PIK3R5: variants seen among roughly 807,000 people sequenced by gnomAD.
PIK3R5 encodes phosphoinositide-3-kinase regulatory subunit 5, also known as phosphoinositide 3-kinase regulatory subunit 5.
PIK3R5 carries 32 observed loss-of-function variants against 94.9 expected under a neutral mutation model. The ratio of observed to expected loss-of-function variants is 0.34; its 90% CI spans 0.25 to 0.45. The LOEUF (loss-of-function observed/expected upper bound fraction) is 0.45, where lower values mean the gene tolerates loss of function less well. Ranked by LOEUF, PIK3R5 falls within the 20% of genes least tolerant of loss-of-function variation. PIK3R5 has a pLI of 1.00. For synonymous variants in PIK3R5, 443 were observed against 479.4 expected, an observed-to-expected ratio of 0.92 and a Z score of 0.99; for missense variants, 853 against 1,144.6, an observed-to-expected ratio of 0.75 and a Z score of 3.68.
At chr17:8,883,149 C>G (rs2089721607) in intron 15 of PIK3R5, among the ~76,000 whole-genome samples, 1 of 152,210 alleles carries the variant, frequency 6.6e-6, no homozygotes, top group South Asian at 2.1e-4. Flanking sequence ...GCAGGTGGAT[C>G]ATGAGGTCAG....
rs1177555353 is a variant in PIK3R5, at chr17:8,893,665, A to G, written c.413-10T>C. On this transcript the variant is annotated splice_polypyrimidine_tract_variant and intron_variant, in intron 5 of 18. Coordinates refer to ENST00000447110, the MANE Select transcript of PIK3R5 (RefSeq NM_001142633.3). The surrounding 1 kb of genome is among the most constrained non-coding windows in gnomAD (Gnocchi z 5.1). ...CTCTGGTAGGAGATCCCTGTGGGTC[A>G]AGAAGAAAAGAGTTCATGGGCTGAT... 49 of 1,609,522 alleles carry G rather than the reference A, an allele frequency of 3.0e-5. No homozygotes were observed. The highest frequency in any genetic ancestry group is 4.0e-5 in the African/African-American group (3 of 74,822).
At chr17:8,907,966 A>T (rs1248285258) in intron 3 of PIK3R5, among the ~76,000 whole-genome samples, 1 of 152,200 alleles carries the variant, frequency 6.6e-6, no homozygotes, top group Non-Finnish European at 1.5e-5. Context: ...CTAATTTGTT[A>T]GGCAAAGTTT....
Position 8,893,516 on chromosome 17 carries a change from G to T in PIK3R5, c.482+70C>A. ...CTGGATGTTTGAGTGGGGGAGGAGG[G>T]TGAAGGTGGAACAGTGCAGGGGTCC... On this transcript the variant is annotated intron_variant, in intron 6 of 18. Transcript: ENST00000447110. This position sits in a 1 kb window ranked among gnomAD's most constrained non-coding sequence, Gnocchi z 5.1. The T allele has an allele frequency of 8.2e-7, 1 of 1,221,646 alleles. No individual in the cohort carries two copies. The highest frequency in any genetic ancestry group is 1.2e-6 in the Non-Finnish European group (1 of 827,298). The allele number at this position is 1,221,646 out of a possible 1,614,324, so 75.7% of individuals were successfully genotyped here.
rs970552806 is a variant in PIK3R5 at position 8,888,446 on chromosome 17, C to T, written c.1341G>A (p.Ser447=). 6.9e-6 allele frequency: 11 copies of T among 1,598,820 alleles called. No homozygotes were observed. Among genetic ancestry groups the T allele is most frequent in the South Asian group, 3.3e-5 (3 of 89,748 alleles). The part of the protein sequence containing the change: ...RRDSRSLEGS[S]DTALPLRRAG... ...CCCGCCTCAGGGGCAGGGCCGTGTC[C>T]GAGCTGCCCTCCAGGCTCCGAGAGT... is the stretch of plus-strand genomic sequence containing the variant. Residue 447 remains serine (S), a synonymous_variant, in exon 10 of 19, where the codon TCG becomes TCA. Transcript: ENST00000447110. This position sits in a 1 kb window ranked among gnomAD's most constrained non-coding sequence, Gnocchi z 7.8.
chr17:8,881,399 C>T lies in PIK3R5; in HGVS notation c.2382+231G>A, dbSNP rs61761134. On this transcript the variant is annotated intron_variant, in intron 17 of 18. Transcript: ENST00000447110. This position sits in a 1 kb window ranked among gnomAD's most constrained non-coding sequence, Gnocchi z 4.8. ...CTCTCACAGGGCACCCCTACCTCCC[C>T]GACACCCCGCAACACTCCACACCTG... Among the ~76,000 whole-genome samples, 2,428 of 152,138 alleles carry T rather than the reference C, an allele frequency of 0.016. 70 individuals are homozygous for T. The highest frequency in any genetic ancestry group is 0.054 in the African/African-American group (2,228 of 41,492).
At chr17:8,930,070 C>T (rs1420134676) in intron 1 of PIK3R5, among the ~76,000 whole-genome samples, 1 of 152,160 alleles carries the variant, frequency 6.6e-6, no homozygotes, top group East Asian at 1.9e-4. Context: ...AAGAATTCAA[C>T]AACACTATCA....
intron 1 of PIK3R5, among the ~76,000 whole-genome samples, chr17:8,952,427 T>C (rs1342476191): frequency 6.6e-6 from 1 of 152,224 alleles, no homozygotes; most frequent in Admixed American, 6.5e-5. Flanking sequence ...CAAAATTTCC[T>C]TGATAGAGAC....
Position 8,881,919 on chromosome 17 carries a change from GGCCCC to G in PIK3R5, c.2206-43_2206-39del. 3 of 1,513,644 alleles carry G rather than the reference GGCCCC, an allele frequency of 2.0e-6. No homozygotes were observed. Among genetic ancestry groups the G allele is most frequent in the Non-Finnish European group, 2.7e-6 (3 of 1,095,942 alleles). 93.8% of individuals were successfully genotyped at this position (1,513,644 alleles called of 1,614,324 possible). The stretch of plus-strand genomic sequence containing the variant: ...TGTAGCCAGACCCTCTGAGTCCAGA[GGCCCC>G]GGTGCCTGCTGCCTTCTCTTTGAAG... On this transcript the variant is annotated intron_variant, in intron 15 of 18. Transcript: ENST00000447110. This position sits in a 1 kb window ranked among gnomAD's most constrained non-coding sequence, Gnocchi z 4.8.
At chr17:8,933,110 C>CA (rs996312975) in intron 1 of PIK3R5, among the ~76,000 whole-genome samples, 5 of 151,664 alleles carry the variant, frequency 3.3e-5, no homozygotes, top group African/African-American at 4.8e-5. Context: ...AAAAACAAAA[C>CA]AAAAAAAGGA....
chr17:8,935,222 T>A lies in PIK3R5; in HGVS notation c.-13-23715A>T, dbSNP rs1597417620. Among the ~76,000 whole-genome samples, 1 of 152,126 alleles carries A rather than the reference T, an allele frequency of 6.6e-6. No individual in the cohort carries two copies. Among genetic ancestry groups the A allele is most frequent in the East Asian group, 1.9e-4 (1 of 5,196 alleles). On this transcript the variant is annotated intron_variant, in intron 1 of 18. Transcript: ENST00000447110. The surrounding 1 kb of genome is among the most constrained non-coding windows in gnomAD (Gnocchi z 4.5). ...TTTCAACTCTGACGTCAATGTCCCATCTAACATAATGGTTCTAACCCCAGT... is the reference window on the plus strand; with the variant it reads ...TTTCAACTCTGACGTCAATGTCCCAACTAACATAATGGTTCTAACCCCAGT...
At chr17:8,887,435 G>A in intron 11 of PIK3R5, 86 bp downstream of exon 11, 1 of 1,451,472 alleles carries the variant, frequency 6.9e-7, no homozygotes, top group Non-Finnish European at 9.3e-7. Flanking sequence ...CAACACAGGT[G>A]CTTGCTTTCC....
intron 1 of PIK3R5, among the ~76,000 whole-genome samples, chr17:8,944,191 A>T (rs963773319): frequency 1.3e-5 from 2 of 152,150 alleles, no homozygotes; most frequent in Non-Finnish European, 2.9e-5. Context: ...ACATCCTGTT[A>T]TTCTATTATG....
chr17:8,905,765 G>T (rs1395148871), intron 3 of PIK3R5, 28 bp from the exon 4 acceptor site: 2 of 1,537,886 alleles, frequency 1.3e-6, no homozygotes, highest in Non-Finnish European at 1.8e-6. Flanking sequence ...AGGGGAATGA[G>T]CCTCATTCAC....
In PIK3R5 at chr17:8,878,983, T is replaced by C. The variant is rs1436053504; in HGVS notation, c.*1656A>G. 3.9e-5 allele frequency: 6 copies of C among 152,156 alleles called. No individual in the cohort carries two copies. Among genetic ancestry groups the C allele is most frequent in the Non-Finnish European group, 8.8e-5 (6 of 68,030 alleles). 9.4% of individuals were successfully genotyped at this position (152,156 alleles called of 1,614,324 possible). Reference sequence around the variant, plus strand: ...CACTCATTAGTTCCTGGACATCTGTTGATCACATAATAAGACAACCTGCCC... The same window carrying C: ...CACTCATTAGTTCCTGGACATCTGTCGATCACATAATAAGACAACCTGCCC... On this transcript the variant is annotated 3_prime_UTR_variant, in exon 19 of 19. Transcript: ENST00000447110.
intron 1 of PIK3R5, among the ~76,000 whole-genome samples, chr17:8,913,568 C>T (rs2090571777): frequency 6.6e-6 from 1 of 152,132 alleles, no homozygotes; most frequent in Admixed American, 6.6e-5. Context: ...AAACATTAGC[C>T]AGGCGTGGTG....
intron 1 of PIK3R5, among the ~76,000 whole-genome samples, chr17:8,932,908 G>C (rs184639033): frequency 1.3e-5 from 2 of 151,940 alleles, no homozygotes; most frequent in Admixed American, 1.3e-4. Flanking sequence ...ACCCAAGAAG[G>C]ATACGTGCAA....
rs1221353302 is a variant in PIK3R5, at chr17:8,889,911, C to T, written c.811+62G>A. Reference sequence around the variant, plus strand: ...CCACCAGGCCCGCCTGGACCGTGCACCTTGGGACCTAGAATAGGCCATGGG... The same window carrying T: ...CCACCAGGCCCGCCTGGACCGTGCATCTTGGGACCTAGAATAGGCCATGGG... On this transcript the variant is annotated intron_variant, in intron 8 of 18. Transcript: ENST00000447110. This position sits in a 1 kb window ranked among gnomAD's most constrained non-coding sequence, Gnocchi z 4.1. The T allele has an allele frequency of 5.0e-6, 8 of 1,588,244 alleles. No individual in the cohort carries two copies. The African/African-American group carries it at 9.4e-5, about 19-fold the overall frequency.
At chr17:8,932,707 G>A (rs1032978202) in intron 1 of PIK3R5, among the ~76,000 whole-genome samples, 20 of 152,180 alleles carry the variant, frequency 1.3e-4, no homozygotes, top group African/African-American at 4.8e-4. Flanking sequence ...AATAAAAAAG[G>A]TTTTCAAAAT....
intron 1 of PIK3R5, among the ~76,000 whole-genome samples, chr17:8,946,314 G>A (rs1416665614): frequency 6.6e-6 from 1 of 151,706 alleles, no homozygotes; most frequent in Non-Finnish European, 1.5e-5. Context: ...AAGTCCAGAT[G>A]GAAAAGCTAG....
Sources: allele counts gnomAD v4.1 joint callset (sites outside exome capture counted in the v4.1 genomes callset), GRCh38; gene constraint gnomAD v4.1.1; non-coding constraint Gnocchi (gnomAD v3.1); transcripts MANE v1.5; gene names NCBI Gene and HGNC (gene_info 2026-07-23, HGNC 2026-07-21).